PCDH11Y: variants seen among roughly 807,000 people sequenced by gnomAD.
The protein encoded by PCDH11Y is protocadherin 11 Y-linked, also known as protocadherin-11 Y-linked.
For missense variants in PCDH11Y, 12 were observed against 224.8 expected, an observed-to-expected ratio of 0.05 and a Z score of 6.05; for synonymous variants, 9 against 83.6, an observed-to-expected ratio of 0.11 and a Z score of 4.87.
At chrY:5,619,061 G>A (rs1602952509) in intron 4 of PCDH11Y, among the ~76,000 whole-genome samples, 2 of 30,470 alleles carry the variant, frequency 6.6e-5, no homozygotes, top group African/African-American at 2.6e-4. Context: ...GAAAGAAAGA[G>A]AGAGACCTTT....
chrY:5,044,893 G>A (rs1602847184), intron 3 of PCDH11Y, among the ~76,000 whole-genome samples: 1 of 32,739 alleles, frequency 3.1e-5, no homozygotes, highest in Non-Finnish European at 7.5e-5. Context: ...TTTGATCTTT[G>A]TTGGTTTAAA....
chrY:5,659,646 G>C, intron 4 of PCDH11Y, among the ~76,000 whole-genome samples: 3 of 28,863 alleles, frequency 1.0e-4, no homozygotes, highest in Non-Finnish European at 2.4e-4. Context: ...AGTGAATGTT[G>C]CCAGAACTAT....
At chrY:5,192,359 T>C (rs1602883538) in intron 2 of PCDH11Y, among the ~76,000 whole-genome samples, 1 of 33,004 alleles carries the variant, frequency 3.0e-5, no homozygotes, top group African/African-American at 1.2e-4. Flanking sequence ...AGACCCCCCC[T>C]AGCAACATCA....
intron 3 of PCDH11Y, among the ~76,000 whole-genome samples, chrY:5,581,493 C>T: frequency 6.1e-5 from 2 of 32,861 alleles, no homozygotes; most frequent in East Asian, 8.0e-4. Context: ...CAAAATGTTA[C>T]GTTTAATAAC....
chrY:5,678,545 A>T, intron 4 of PCDH11Y, among the ~76,000 whole-genome samples: 1 of 33,624 alleles, frequency 3.0e-5, no homozygotes, highest in Admixed American at 2.7e-4. Flanking sequence ...AGCCTTTAAA[A>T]AAATACAAAT....
intron 2 of PCDH11Y, among the ~76,000 whole-genome samples, chrY:5,167,430 G>A (rs2052880658): frequency 6.7e-5 from 2 of 29,901 alleles, no homozygotes; most frequent in Admixed American, 6.3e-4. Context: ...CAATAAACTC[G>A]GTGAGAGCCA....
chrY:5,478,802 T>C, intron 2 of PCDH11Y, among the ~76,000 whole-genome samples: 1 of 33,040 alleles, frequency 3.0e-5, no homozygotes, highest in Admixed American at 2.8e-4. Context: ...TTGACCTTTG[T>C]TGGTTTAAAG....
At chrY:5,675,720 C>T in intron 4 of PCDH11Y, among the ~76,000 whole-genome samples, 2 of 33,687 alleles carry the variant, frequency 5.9e-5, no homozygotes, top group Non-Finnish European at 1.5e-4. Flanking sequence ...TCTTAACACT[C>T]CAAAGCGATT....
chrY:5,108,518 C>T, downstream of PCDH11Y, among the ~76,000 whole-genome samples: 3 of 31,824 alleles, frequency 9.4e-5, no homozygotes, highest in Admixed American at 2.9e-4. Flanking sequence ...GAGGCCAAGG[C>T]GGGAGGATCA....
intron 2 of PCDH11Y, among the ~76,000 whole-genome samples, chrY:5,499,304 A>G: frequency 6.0e-5 from 2 of 33,426 alleles, no homozygotes; most frequent in Non-Finnish European, 1.5e-4. Context: ...ACTCCCTCTG[A>G]GAGGCCCAAA....
chrY:5,351,295 A>AGT (rs756307805), intron 2 of PCDH11Y, among the ~76,000 whole-genome samples: 699 of 21,817 alleles, frequency 0.032, no homozygotes, highest in South Asian at 0.056. Flanking sequence ...ATATGTGGGG[A>AGT]GTGTGTGTGT....
At chrY:5,622,295 T>C (rs2053501137) in intron 4 of PCDH11Y, among the ~76,000 whole-genome samples, 2 of 32,209 alleles carry the variant, frequency 6.2e-5, no homozygotes, top group South Asian at 1.4e-3. Context: ...CCAATAAACA[T>C]ATGAAAAAAA....
At chrY:5,107,850 G>A (rs111575777), downstream of PCDH11Y, among the ~76,000 whole-genome samples, 1 of 32,774 alleles carries the variant, frequency 3.1e-5, no homozygotes, top group African/African-American at 1.2e-4. Context: ...ACGAGGTCAG[G>A]AGATCGAGAC....
intron 4 of PCDH11Y, among the ~76,000 whole-genome samples, chrY:5,643,207 A>C: frequency 3.2e-5 from 1 of 31,314 alleles, no homozygotes; most frequent in Non-Finnish European, 7.7e-5. Flanking sequence ...TTCTGTATGC[A>C]GTACTAGGGA....
At chrY:5,263,999 A>G in intron 2 of PCDH11Y, among the ~76,000 whole-genome samples, 17 of 32,663 alleles carry the variant, frequency 5.2e-4, no homozygotes, top group African/African-American at 2.0e-3. Flanking sequence ...CACAAGACAA[A>G]GTCCTTCTCC....
intron 1 of PCDH11Y, among the ~76,000 whole-genome samples, chrY:5,071,319 A>G (rs2124630703): frequency 2.2e-4 from 5 of 22,819 alleles, no homozygotes; most frequent in African/African-American, 8.4e-4. Context: ...CCTCCCCACT[A>G]CATCCTACTA....
chrY:5,693,677 A>G, intron 4 of PCDH11Y, among the ~76,000 whole-genome samples: 2 of 33,556 alleles, frequency 6.0e-5, no homozygotes, highest in Non-Finnish European at 1.5e-4. Context: ...AATTTAAATC[A>G]CATTTTTAGG....
intron 2 of PCDH11Y, among the ~76,000 whole-genome samples, chrY:5,316,205 G>A (rs1602903367): frequency 3.0e-5 from 1 of 32,847 alleles, no homozygotes; most frequent in Non-Finnish European, 7.5e-5. Flanking sequence ...GGTTCAGAAA[G>A]GTGGGACAAC....
At chrY:5,486,805 A>G in intron 2 of PCDH11Y, among the ~76,000 whole-genome samples, 1 of 14,517 alleles carries the variant, frequency 6.9e-5, no homozygotes, top group Non-Finnish European at 1.4e-4. Flanking sequence ...GCTGGATTGC[A>G]GTGGCACGAT....
Sources: allele counts gnomAD v4.1 joint callset (sites outside exome capture counted in the v4.1 genomes callset), GRCh38; gene constraint gnomAD v4.1.1; transcripts MANE v1.5; gene names NCBI Gene and HGNC (gene_info 2026-07-23, HGNC 2026-07-21).